Variants in HOMER1 observed in about 807,000 individuals in gnomAD.
HOMER1 encodes the protein homer scaffold protein 1, also known as homer protein homolog 1.
In HOMER1, 3 loss-of-function variants were observed where a neutral mutation model predicts 48.9. The observed-to-expected ratio is 0.06, with a 90% CI of 0.03 to 0.16. The LOEUF (loss-of-function observed/expected upper bound fraction) is 0.16. Among genes scored for constraint, HOMER1 ranks in the 10% least tolerant of loss-of-function variants. The pLI, the probability that HOMER1 is intolerant of heterozygous loss-of-function variation, is 1.00. For synonymous variants in HOMER1, 134 were observed against 146.4 expected (o/e 0.92, Z 0.61); for missense variants, 247 against 411.4 (o/e 0.60, Z 3.46).
intron 5 of HOMER1, among the ~76,000 whole-genome samples, chr5:79,413,586 C>A (rs1008108152): frequency 1.3e-5 from 2 of 151,954 alleles, no homozygotes; most frequent in Admixed American, 6.6e-5. Context: ...CTCACGCCCC[C>A]ACCCCCTACC....
intron 5 of HOMER1, among the ~76,000 whole-genome samples, chr5:79,426,383 A>G (rs1479369101): frequency 6.6e-6 from 1 of 152,116 alleles, no homozygotes; most frequent in Non-Finnish European, 1.5e-5. Flanking sequence ...TCCACCAATG[A>G]ATGGATATCT....
chr5:79,442,674 T>C (rs1297764794), intron 4 of HOMER1, among the ~76,000 whole-genome samples: 2 of 152,324 alleles, frequency 1.3e-5, no homozygotes, highest in Non-Finnish European at 2.9e-5. Context: ...TAACAAACAT[T>C]CATGGAAGAC....
At chr5:79,457,470 T>G (rs921014595) in intron 1 of HOMER1, among the ~76,000 whole-genome samples, 1 of 152,158 alleles carries the variant, frequency 6.6e-6, no homozygotes, top group Non-Finnish European at 1.5e-5. Context: ...ATTTCACACT[T>G]TGTTGGTGCT....
At chr5:79,485,723 T>C (rs1447059995) in intron 1 of HOMER1, among the ~76,000 whole-genome samples, 1 of 152,182 alleles carries the variant, frequency 6.6e-6, no homozygotes, top group Non-Finnish European at 1.5e-5. Context: ...AAGAGGGACC[T>C]AATTGAAGTT....
intron 1 of HOMER1, among the ~76,000 whole-genome samples, chr5:79,504,659 G>T (rs990084894): frequency 6.6e-6 from 1 of 152,072 alleles, no homozygotes; most frequent in Non-Finnish European, 1.5e-5. Flanking sequence ...CTCACACAAA[G>T]AAAGTCTTGT....
At chr5:79,495,249 C>T (rs1752389025) in intron 1 of HOMER1, among the ~76,000 whole-genome samples, 2 of 152,108 alleles carry the variant, frequency 1.3e-5, no homozygotes, top group Admixed American at 6.6e-5. Flanking sequence ...CTAGTCACAT[C>T]TCCCTTAACT....
At chr5:79,467,391 CAAAA>C (rs71767032) in intron 1 of HOMER1, among the ~76,000 whole-genome samples, 1 of 51,644 alleles carries the variant, frequency 1.9e-5, no homozygotes, top group Non-Finnish European at 3.8e-5. Context: ...AACTCCATCT[CAAAA>C]AAAAAAAAAA....
rs1164511654 is a variant in HOMER1 at position 79,490,769 on chromosome 5, CA to C, written c.5+22000del. On this transcript the variant is annotated intron_variant, in intron 1 of 8. Transcript: ENST00000334082. The stretch of plus-strand genomic sequence containing the variant: ...CAGTATAGCAAGACCCCATCTCTAC[CA>C]AAAAAAAAAACAAAAAAAAAAACCA... Among the ~76,000 whole-genome samples, 76 of 84,056 alleles carry C rather than the reference CA, an allele frequency of 9.0e-4. 1 individual carries two copies. Among genetic ancestry groups the C allele is most frequent in the Admixed American group, 1.1e-3 (9 of 8,100 alleles). The allele number at this position is 84,056 out of a possible 152,430, so 55.1% of individuals were successfully genotyped here.
rs559522154 is a variant in HOMER1 at position 79,506,240 on chromosome 5, A to G, written c.5+6530T>C. ...AGCGATAAAAACTTTCAAAAACAAG[A>G]TTTTAAAAAATCCAAGTAGAAGAAA... is the stretch of plus-strand genomic sequence containing the variant. On this transcript the variant is annotated intron_variant, in intron 1 of 8. Coordinates refer to ENST00000334082, the MANE Select transcript of HOMER1 (RefSeq NM_004272.5). Among the ~76,000 whole-genome samples, 34 of 152,242 alleles carry G rather than the reference A, an allele frequency of 2.2e-4. No individual in the cohort carries two copies. The South Asian group carries it at 7.0e-3, about 32-fold the overall frequency.
chr5:79,438,958 A>G (rs1209532085), intron 5 of HOMER1, 52 bp downstream of exon 5: 4 of 1,542,024 alleles, frequency 2.6e-6, no homozygotes, highest in Non-Finnish European at 3.6e-6. Context: ...GAAACCAAAC[A>G]TTTCCATATT....
At position 79,487,216 on chromosome 5, in the gene HOMER1, T is replaced by C. The variant is rs796699167; in HGVS notation, c.5+25554A>G. On this transcript the variant is annotated intron_variant, in intron 1 of 8. Transcript: ENST00000334082. ...ATCGCTTGAACCCGGGAGGCAGAGG[T>C]TGCAGTGAGCCGAGACAGCACCACT... Among the ~76,000 whole-genome samples, 5 of 151,974 alleles carry C rather than the reference T, an allele frequency of 3.3e-5. No individual in the cohort carries two copies. The South Asian group carries it at 1.0e-3, about 32-fold the overall frequency.
At chr5:79,411,642 G>A (rs1234026402) in intron 5 of HOMER1, among the ~76,000 whole-genome samples, 1 of 152,174 alleles carries the variant, frequency 6.6e-6, no homozygotes, top group Non-Finnish European at 1.5e-5. Flanking sequence ...AACCTGCAGA[G>A]TGAATGCTAC....
chr5:79,378,221 T>TTAAAAAAAAAAAAA (rs756900477), intron 8 of HOMER1, among the ~76,000 whole-genome samples: 3 of 97,484 alleles, frequency 3.1e-5, no homozygotes, highest in Admixed American at 1.2e-4. Flanking sequence ...AGACTCTGTC[T>TTAAAAAAAAAAAAA]CAAAAAAAAA....
In HOMER1 at chr5:79,468,502, G is replaced by A. The variant is rs531739081; in HGVS notation, c.6-11484C>T. On this transcript the variant is annotated intron_variant, in intron 1 of 8. Coordinates refer to ENST00000334082, the MANE Select transcript of HOMER1 (RefSeq NM_004272.5). Reference sequence around the variant, plus strand: ...AACTGTGTCAAAATATATAAAAATTGATTTTGACTTCCTTTTTAGAACCTT... The same window carrying A: ...AACTGTGTCAAAATATATAAAAATTAATTTTGACTTCCTTTTTAGAACCTT... Among the ~76,000 whole-genome samples the A allele has an allele frequency of 2.0e-5, 3 of 152,226 alleles. No individual in the cohort carries two copies. In the East Asian group the frequency reaches 5.8e-4, roughly 29 times the overall value.
chr5:79,506,639 C>A (rs966834444), intron 1 of HOMER1, among the ~76,000 whole-genome samples: 18 of 152,108 alleles, frequency 1.2e-4, no homozygotes, highest in Admixed American at 3.9e-4. Context: ...GAGTTCAAGA[C>A]GAGCCTGGGC....
At chr5:79,413,816 G>A (rs759732475) in intron 5 of HOMER1, among the ~76,000 whole-genome samples, 1 of 152,062 alleles carries the variant, frequency 6.6e-6, no homozygotes, top group African/African-American at 2.4e-5. Flanking sequence ...ACAGTTTAGG[G>A]TCTGAATTTT....
At chr5:79,443,450 G>C (rs888002908) in intron 4 of HOMER1, among the ~76,000 whole-genome samples, 1 of 152,112 alleles carries the variant, frequency 6.6e-6, no homozygotes, top group Non-Finnish European at 1.5e-5. Flanking sequence ...CTGAGTTTTA[G>C]CAAGTCTTTC....
intron 1 of HOMER1, among the ~76,000 whole-genome samples, chr5:79,476,422 G>T (rs1751780245): frequency 6.6e-6 from 1 of 152,168 alleles, no homozygotes; most frequent in Admixed American, 6.5e-5. Flanking sequence ...CCTGGAGATA[G>T]TATAGTGTCA....
At chr5:79,504,361 T>C (rs1752688983) in intron 1 of HOMER1, among the ~76,000 whole-genome samples, 6 of 149,050 alleles carry the variant, frequency 4.0e-5, no homozygotes. Flanking sequence ...GAGACAGTGA[T>C]TCATAACAGA....
Sources: gnomAD v4.1 joint callset for allele counts (sites outside exome capture counted in the v4.1 genomes callset) on GRCh38, gnomAD v4.1.1 for gene constraint, MANE v1.5 for transcripts, NCBI Gene and HGNC (gene_info 2026-07-23, HGNC 2026-07-21) for gene names.